PDE4D: variants seen among roughly 807,000 people sequenced by gnomAD.
PDE4D encodes the protein 3',5'-cyclic-AMP phosphodiesterase 4D.
Under a neutral mutation model 87.4 loss-of-function variants are expected in PDE4D, and 24 were observed. That is an observed-to-expected ratio of 0.27 (90% CI 0.20 to 0.39). The LOEUF (loss-of-function observed/expected upper bound fraction) is 0.39, where lower values mean the gene tolerates loss of function less well. Among genes scored for constraint, PDE4D ranks in the 10% least tolerant of loss-of-function variants. The pLI, the probability that PDE4D is intolerant of heterozygous loss-of-function variation, is 1.00. For synonymous variants in PDE4D, 384 were observed against 383.2 expected (o/e 1.00, Z -0.02); for missense variants, 714 against 1,041.0 (o/e 0.69, Z 4.32).
At chr5:59,715,106 T>C (rs942131641) in intron 1 of PDE4D, among the ~76,000 whole-genome samples, 1 of 152,256 alleles carries the variant, frequency 6.6e-6, no homozygotes, top group Non-Finnish European at 1.5e-5. Context: ...CATGAGAGCA[T>C]GGCAGGACAG....
chr5:59,325,530 T>C (rs978626782), intron 1 of PDE4D, among the ~76,000 whole-genome samples: 1 of 152,150 alleles, frequency 6.6e-6, no homozygotes, highest in African/African-American at 2.4e-5. Context: ...GAACTCTCAA[T>C]ATTCATAAGG....
intron 2 of PDE4D, among the ~76,000 whole-genome samples, chr5:60,027,486 T>C (rs974774168): frequency 2.0e-5 from 3 of 152,204 alleles, no homozygotes; most frequent in African/African-American, 7.2e-5. Flanking sequence ...AATAGGCACC[T>C]AGATTGACTC....
intron 1 of PDE4D, chr5:60,487,818 C>T (rs1176266300): frequency 6.6e-6 from 1 of 152,264 alleles, no homozygotes; most frequent in Non-Finnish European, 1.5e-5. Context: ...GAACTTGATA[C>T]ACATAGTATA....
In PDE4D at chr5:58,973,002, A is replaced by G. The variant is rs563437810; in HGVS notation, c.*1662T>C. 4 of 152,264 alleles carry G rather than the reference A, an allele frequency of 2.6e-5. No individual in the cohort carries two copies. Among genetic ancestry groups the G allele is most frequent in the African/African-American group, 9.6e-5 (4 of 41,560 alleles). 9.4% of individuals were successfully genotyped at this position (152,264 alleles called of 1,614,324 possible). ...TGCAAGATATGCTTATGGATCGAGG[A>G]TAAGTGATAAAGGACTTCCTACACG... On this transcript the variant is annotated 3_prime_UTR_variant, in exon 15 of 15. Transcript: ENST00000340635.
At chr5:59,201,459 C>T (rs534096673) in intron 2 of PDE4D, among the ~76,000 whole-genome samples, 1 of 151,992 alleles carries the variant, frequency 6.6e-6, no homozygotes, top group African/African-American at 2.4e-5. Flanking sequence ...TTCACTCTGA[C>T]AAATTATAAA....
In PDE4D at chr5:59,841,216, G is replaced by A. The variant is rs367562020; in HGVS notation, c.455+51952C>T. Among the ~76,000 whole-genome samples the A allele has an allele frequency of 1.6e-4, 24 of 152,190 alleles. 2 individuals carry two copies. The highest frequency in any genetic ancestry group is 9.8e-4 in the Admixed American group (15 of 15,280). ...ATGAAGAAACAGGGTGGCTATTGCT[G>A]TCTCTCATTCTGCTTCTTGAACTGG... On this transcript the variant is annotated intron_variant, in intron 1 of 14. Transcript: ENST00000340635.
chr5:60,054,559 T>C (rs562045090), intron 2 of PDE4D, among the ~76,000 whole-genome samples: 1 of 152,056 alleles, frequency 6.6e-6, no homozygotes, highest in South Asian at 2.1e-4. Flanking sequence ...AGGGATAGCA[T>C]TAGGAGAAAT....
At chr5:59,995,381 T>C (rs1373662239) in intron 2 of PDE4D, among the ~76,000 whole-genome samples, 1 of 150,930 alleles carries the variant, frequency 6.6e-6, no homozygotes, top group Middle Eastern at 3.2e-3. Context: ...TGCAATGGCA[T>C]GATCTCAGCT....
At chr5:59,255,064 T>C (rs1760713187) in intron 1 of PDE4D, among the ~76,000 whole-genome samples, 1 of 152,112 alleles carries the variant, frequency 6.6e-6, no homozygotes, top group South Asian at 2.1e-4. Context: ...ACTAGGAATA[T>C]ACCCAGAAGA....
At chr5:59,592,486 C>G (rs901457047) in intron 1 of PDE4D, among the ~76,000 whole-genome samples, 1 of 152,132 alleles carries the variant, frequency 6.6e-6, no homozygotes, top group African/African-American at 2.4e-5. Flanking sequence ...CACCTAGTTT[C>G]ATCACCTAAA....
intron 3 of PDE4D, among the ~76,000 whole-genome samples, chr5:59,983,547 G>A (rs567276741): frequency 6.6e-6 from 1 of 152,220 alleles, no homozygotes; most frequent in South Asian, 2.1e-4. Context: ...CTGAACAAAT[G>A]TCTGAATGGT....
At chr5:60,033,491 C>A (rs1767463679) in intron 2 of PDE4D, among the ~76,000 whole-genome samples, 1 of 152,110 alleles carries the variant, frequency 6.6e-6, no homozygotes, top group Non-Finnish European at 1.5e-5. Context: ...TTATTTTATC[C>A]ATTTTTTGCC....
rs902315596 is a variant in PDE4D at position 58,971,214 on chromosome 5, A to G, written c.*3450T>C. ...AAAGTTAAGGCACAGCCCTGGGACC[A>G]AAGACCTGCAGCTATGTTTTTTTAA... On this transcript the variant is annotated 3_prime_UTR_variant, in exon 15 of 15. Coordinates refer to ENST00000340635, the MANE Select transcript of PDE4D (RefSeq NM_001104631.2). The G allele has an allele frequency of 6.6e-6, 1 of 152,320 alleles. No homozygotes were observed. The highest frequency in any genetic ancestry group is 1.5e-5 in the Non-Finnish European group (1 of 68,036). The allele number at this position is 152,320 out of a possible 1,614,324, so 9.4% of individuals were successfully genotyped here.
chr5:59,085,707 TG>T (rs1379370466), intron 5 of PDE4D, among the ~76,000 whole-genome samples: 1 of 152,160 alleles, frequency 6.6e-6, no homozygotes, highest in African/African-American at 2.4e-5. Flanking sequence ...CAATCTTTCT[TG>T]GGGATAGAAG....
intron 1 of PDE4D, among the ~76,000 whole-genome samples, chr5:59,565,329 G>A (rs757847877): frequency 1.1e-4 from 16 of 151,960 alleles, no homozygotes; most frequent in Non-Finnish European, 2.2e-4. Context: ...AACCAACTTG[G>A]GCAACATGGA....
At chr5:59,082,363 A>T (rs1004845858) in intron 5 of PDE4D, among the ~76,000 whole-genome samples, 1 of 152,194 alleles carries the variant, frequency 6.6e-6, no homozygotes, top group Non-Finnish European at 1.5e-5. Context: ...CAAACAAGAA[A>T]ACCAAATATG....
At chr5:59,034,755 G>C (rs141582016) in intron 6 of PDE4D, among the ~76,000 whole-genome samples, 236 of 152,296 alleles carry the variant, frequency 1.5e-3, no homozygotes, top group Middle Eastern at 0.01. Context: ...TATTTGGAAT[G>C]AAGTATAGAA....
chr5:60,493,121 G>A (rs1020440256), intron 1 of PDE4D, among the ~76,000 whole-genome samples: 3 of 152,096 alleles, frequency 2.0e-5, no homozygotes, highest in Admixed American at 1.3e-4. Context: ...ACCCTGCCCT[G>A]TATTTTGCTG....
intron 3 of PDE4D, among the ~76,000 whole-genome samples, chr5:59,978,458 G>T (rs1761569983): frequency 6.6e-6 from 1 of 152,170 alleles, no homozygotes; most frequent in Non-Finnish European, 1.5e-5. Context: ...GGAACCTGAA[G>T]TTGTAATGAA....
Sources: gnomAD v4.1 joint callset for allele counts (sites outside exome capture counted in the v4.1 genomes callset) on GRCh38, gnomAD v4.1.1 for gene constraint, MANE v1.5 for transcripts, NCBI Gene and HGNC (gene_info 2026-07-23, HGNC 2026-07-21) for gene names.